SHISA9: variants seen among roughly 807,000 people sequenced by gnomAD.
SHISA9 encodes the protein protein shisa-9.
SHISA9 carries 13 observed loss-of-function variants against 38.0 expected under a neutral mutation model. The observed-to-expected ratio is 0.34, with a 90% CI of 0.22 to 0.54. The LOEUF (loss-of-function observed/expected upper bound fraction) is 0.54, where lower values mean the gene tolerates loss of function less well. Ranked by LOEUF, SHISA9 falls within the 20% of genes least tolerant of loss-of-function variation. The pLI, the probability that SHISA9 is intolerant of heterozygous loss-of-function variation, is 0.91. For missense variants in SHISA9, 538 were observed against 575.8 expected (o/e 0.93, Z 0.67); for synonymous variants, 275 against 242.0 (o/e 1.14, Z -1.27).
At chr16:13,287,802 A>C in the SHISA9 span, among the ~76,000 whole-genome samples, 5 of 152,200 alleles carry the variant, frequency 3.3e-5, no homozygotes, top group Non-Finnish European at 7.3e-5. Context: ...CACTTTCACT[A>C]AGATGTTCTT....
At chr16:13,554,524 T>A in the SHISA9 span, among the ~76,000 whole-genome samples, 3 of 151,228 alleles carry the variant, frequency 2.0e-5, no homozygotes, top group African/African-American at 7.3e-5. Context: ...TTCTTTTTTT[T>A]TTTTTGATGG....
intron 2 of SHISA9, among the ~76,000 whole-genome samples, chr16:13,087,192 G>A (rs1306336648): frequency 2.3e-5 from 3 of 127,748 alleles, no homozygotes; most frequent in African/African-American, 5.9e-5. Flanking sequence ...ATTCCATGGT[G>A]TATACGTGCC....
the SHISA9 span, among the ~76,000 whole-genome samples, chr16:13,381,608 G>A: frequency 6.6e-6 from 1 of 152,120 alleles, no homozygotes; most frequent in Non-Finnish European, 1.5e-5. Context: ...GGAGCAAAGT[G>A]GTGTTGGTGG....
At chr16:13,449,339 T>C in the SHISA9 span, among the ~76,000 whole-genome samples, 2 of 152,230 alleles carry the variant, frequency 1.3e-5, no homozygotes, top group African/African-American at 4.8e-5. Context: ...CTTTTTGTCA[T>C]TGTCTAAATT....
the SHISA9 span, among the ~76,000 whole-genome samples, chr16:13,248,462 C>A: frequency 6.6e-6 from 1 of 152,142 alleles, no homozygotes; most frequent in East Asian, 1.9e-4. Flanking sequence ...CAGAGAGAAA[C>A]CTTGGTGTCA....
chr16:13,302,276 C>G, the SHISA9 span, among the ~76,000 whole-genome samples: 1 of 152,214 alleles, frequency 6.6e-6, no homozygotes, highest in East Asian at 1.9e-4. Context: ...TAAAGAAAGC[C>G]CATAGCTTGT....
intron 2 of SHISA9, among the ~76,000 whole-genome samples, chr16:12,991,107 T>G (rs1016228361): frequency 2.6e-5 from 4 of 152,194 alleles, no homozygotes; most frequent in African/African-American, 9.6e-5. Context: ...ATTGGTATTC[T>G]TTTTGATTAT....
the SHISA9 span, among the ~76,000 whole-genome samples, chr16:13,459,009 C>T: frequency 6.6e-6 from 1 of 151,974 alleles, no homozygotes; most frequent in Non-Finnish European, 1.5e-5. Flanking sequence ...TGCACCACCA[C>T]GCCTGGCTAA....
At chr16:13,450,878 TAGGAATCATGCATTC>T in the SHISA9 span, among the ~76,000 whole-genome samples, 1 of 152,188 alleles carries the variant, frequency 6.6e-6, no homozygotes, top group Non-Finnish European at 1.5e-5. Context: ...GCAGGAGGCA[TAGGAATCATGCATTC>T]ATTCATTTAA....
chr16:13,295,099 C>T, the SHISA9 span, among the ~76,000 whole-genome samples: 3 of 152,270 alleles, frequency 2.0e-5, no homozygotes, highest in East Asian at 5.8e-4. Context: ...AACCAGGGAA[C>T]CTGGCTCTAG....
the SHISA9 span, among the ~76,000 whole-genome samples, chr16:13,362,252 G>A: frequency 2.8e-5 from 4 of 144,312 alleles, no homozygotes; most frequent in African/African-American, 1.0e-4. Flanking sequence ...AACAACAACA[G>A]CAACAACAAA....
intron 2 of SHISA9, among the ~76,000 whole-genome samples, chr16:13,116,528 G>A (rs1364093885): frequency 1.3e-5 from 2 of 152,198 alleles, no homozygotes; most frequent in African/African-American, 4.8e-5. Context: ...ATGGGACAGT[G>A]AGCAGGACAC....
At chr16:13,416,845 A>C in the SHISA9 span, among the ~76,000 whole-genome samples, 1 of 151,006 alleles carries the variant, frequency 6.6e-6, no homozygotes, top group Non-Finnish European at 1.5e-5. Context: ...GAAAGAAAGA[A>C]AGAGAGGGAA....
At position 13,102,985 on chromosome 16, in the gene SHISA9, C is replaced by G. The variant is rs1162832251; in HGVS notation, c.692-100409C>G. 2.6e-5 allele frequency among the ~76,000 whole-genome samples: 4 copies of G among 152,276 alleles called. No individual in the cohort carries two copies. The East Asian group carries it at 7.7e-4, about 29-fold the overall frequency. On this transcript the variant is annotated intron_variant, in intron 2 of 4. Transcript: ENST00000558583. ...ATGCATATAGAAATACTCTTCTTATCCTTTCAAAAACTTTTGTTTATATTT... is the reference window on the plus strand; with the variant it reads ...ATGCATATAGAAATACTCTTCTTATGCTTTCAAAAACTTTTGTTTATATTT...
At chr16:13,308,358 A>G in the SHISA9 span, among the ~76,000 whole-genome samples, 166 of 152,300 alleles carry the variant, frequency 1.1e-3, 2 homozygotes, top group African/African-American at 3.8e-3. Flanking sequence ...GTGGAATGGT[A>G]GGACAAGAGA....
chr16:13,120,029 T>C (rs1191407805), intron 2 of SHISA9, among the ~76,000 whole-genome samples: 1 of 151,990 alleles, frequency 6.6e-6, no homozygotes, highest in African/African-American at 2.4e-5. Context: ...CAGTGTGGTC[T>C]TAAGGGCAGG....
At chr16:13,342,606 A>G in the SHISA9 span, among the ~76,000 whole-genome samples, 2 of 152,186 alleles carry the variant, frequency 1.3e-5, no homozygotes, top group African/African-American at 2.4e-5. Flanking sequence ...CTTTGTGGCT[A>G]CAAGATCCTT....
intron 2 of SHISA9, among the ~76,000 whole-genome samples, chr16:13,095,708 A>T (rs990517668): frequency 6.6e-6 from 1 of 152,222 alleles, no homozygotes; most frequent in Non-Finnish European, 1.5e-5. Context: ...GCTGTTGACA[A>T]TCTTTTCTCA....
At chr16:13,072,707 C>A (rs1476056236) in intron 2 of SHISA9, among the ~76,000 whole-genome samples, 1 of 151,652 alleles carries the variant, frequency 6.6e-6, no homozygotes, top group Non-Finnish European at 1.5e-5. Flanking sequence ...GTCACCCAGG[C>A]TGGAGTGCAG....
Sources: allele counts gnomAD v4.1 joint callset (sites outside exome capture counted in the v4.1 genomes callset), GRCh38; gene constraint gnomAD v4.1.1; transcripts MANE v1.5; gene names NCBI Gene and HGNC (gene_info 2026-07-23, HGNC 2026-07-21).